Variants in SYNRG observed in about 807,000 individuals in gnomAD.
SYNRG encodes AP1 gamma subunit binding protein 1.
Under a neutral mutation model 130.9 loss-of-function variants are expected in SYNRG, and 37 were observed. That is an observed-to-expected ratio of 0.28 (90% CI 0.22 to 0.37). SYNRG has a LOEUF of 0.37. Ranked by LOEUF, SYNRG falls within the 10% of genes least tolerant of loss-of-function variation. SYNRG has a pLI of 1.00. For synonymous variants in SYNRG, 539 were observed against 568.1 expected (o/e 0.95, Z 0.73); for missense variants, 1,338 against 1,588.9 (o/e 0.84, Z 2.68).
rs973729804 is a variant in SYNRG, at chr17:37,551,129, C to T, written c.2608+1986G>A. ...AATCTACCAGGTTTTATTCTCTCTT[C>T]ATCAGCTCACTTCTTATTTCTCCAA... On this transcript the variant is annotated intron_variant, in intron 14 of 21. Transcript: ENST00000612223. Among the ~76,000 whole-genome samples, 7 of 152,332 alleles carry T rather than the reference C, an allele frequency of 4.6e-5. 1 individual carries two copies. Among genetic ancestry groups the T allele is most frequent in the Admixed American group, 2.6e-4 (4 of 15,306 alleles).
Position 37,542,290 on chromosome 17 carries a change from G to C in SYNRG, c.2884C>G (p.Pro962Ala). 6.2e-7 allele frequency: 1 copy of C among 1,614,180 alleles called. No homozygotes were observed. Among genetic ancestry groups the C allele is most frequent in the Non-Finnish European group, 8.5e-7 (1 of 1,180,052 alleles). Residue 962 changes from proline to alanine, a missense_variant, in exon 15 of 22, where the codon CCA becomes GCA. Transcript: ENST00000612223. ...SEDALPETTF[P>A]ALASFKDTIP... Reference sequence around the variant, plus strand: ...GTGTCTTTAAAACTGGCAAGAGCTGGGAAGGTGGTCTCTGGAAGAGCATCT... The same window carrying C: ...GTGTCTTTAAAACTGGCAAGAGCTGCGAAGGTGGTCTCTGGAAGAGCATCT...
chr17:37,599,664 T>A lies in SYNRG; in HGVS notation c.118+699A>T, dbSNP rs147441223. 2.1e-3 allele frequency among the ~76,000 whole-genome samples: 321 copies of A among 152,190 alleles called. 4 individuals are homozygous for A. The highest frequency in any genetic ancestry group is 7.2e-3 in the African/African-American group (299 of 41,528). On this transcript the variant is annotated intron_variant, in intron 2 of 21. Transcript: ENST00000612223. ...TGAGCCTAGGTGGCTGAGGCTACAG[T>A]AAGCTATGACTGTGCCACTTATACT...
intron 19 of SYNRG, among the ~76,000 whole-genome samples, chr17:37,522,206 G>A (rs974344996): frequency 1.4e-4 from 16 of 115,248 alleles, no homozygotes; most frequent in African/African-American, 4.6e-4. Flanking sequence ...CAGTCACTCT[G>A]TTGCTCAGGC....
rs536282468 is a variant in SYNRG, at chr17:37,563,058, T to A, written c.1482-1469A>T. 1.3e-4 allele frequency among the ~76,000 whole-genome samples: 20 copies of A among 152,276 alleles called. No homozygotes were observed. In the South Asian group the frequency reaches 3.5e-3, roughly 27 times the overall value. The stretch of plus-strand genomic sequence containing the variant: ...TGCTTGCTGATTAAAGTCAACAAAA[T>A]TCCATTCAAAAAAAGTTATGACTCA... On this transcript the variant is annotated intron_variant, in intron 11 of 21. Transcript: ENST00000612223.
Position 37,538,321 on chromosome 17 carries a change from T to C in SYNRG, c.3517+3A>G. 2 of 1,587,940 alleles carry C rather than the reference T, an allele frequency of 1.3e-6. No individual in the cohort carries two copies. Among genetic ancestry groups the C allele is most frequent in the Non-Finnish European group, 1.7e-6 (2 of 1,168,028 alleles). ...TTCAATAGTAAAATATGAAAGAACA[T>C]ACCTAATAAATATTCCATGCCTTGA... On this transcript the variant is annotated splice_donor_region_variant and intron_variant, in intron 18 of 21. Transcript: ENST00000612223.
chr17:37,595,437 C>G (rs1321695896), intron 3 of SYNRG, among the ~76,000 whole-genome samples: 2 of 152,062 alleles, frequency 1.3e-5, no homozygotes, highest in African/African-American at 4.8e-5. Flanking sequence ...CAAGTGGGAG[C>G]TAAACACTGG....
chr17:37,561,573 T>A lies in SYNRG; in HGVS notation c.1498A>T (p.Met500Leu). ...AATGCTTTAGTTCCAGGAAGTGGCA[T>A]CAACAAAGAAGGGGCACTGAAGGAA... is the stretch of plus-strand genomic sequence containing the variant. ...QHGNSAPSLL[M>L]PLPGTKALPS... Residue 500 changes from methionine to leucine, a missense_variant, in exon 12 of 22, where the codon ATG (methionine) becomes TTG (leucine). Met to Leu is a conservative substitution (Grantham distance 15). This residue lies in a region of SYNRG where 1,146 missense variants were observed against 1,342.3 expected (regional missense o/e 0.85). Coordinates refer to ENST00000612223, the MANE Select transcript of SYNRG (RefSeq NM_007247.6). 6.2e-7 allele frequency: 1 copy of A among 1,612,592 alleles called. No individual in the cohort carries two copies. Among genetic ancestry groups the A allele is most frequent in the South Asian group, 1.1e-5 (1 of 90,944 alleles).
chr17:37,545,705 T>C (rs2058220129), intron 14 of SYNRG, among the ~76,000 whole-genome samples: 1 of 152,100 alleles, frequency 6.6e-6, no homozygotes, highest in Admixed American at 6.6e-5. Context: ...AAAGACTAAA[T>C]GAAAGACTAG....
chr17:37,522,157 A>ACACACACACACACACACACACAC (rs1568245884), intron 19 of SYNRG, among the ~76,000 whole-genome samples: 11 of 151,164 alleles, frequency 7.3e-5, no homozygotes, highest in South Asian at 2.1e-4. Flanking sequence ...ACACACACAC[A>ACACACACACACACACACACACAC]ATGGTTAAAA....
chr17:37,550,239 G>A (rs2058608078), intron 14 of SYNRG, among the ~76,000 whole-genome samples: 2 of 152,114 alleles, frequency 1.3e-5, no homozygotes, highest in Non-Finnish European at 2.9e-5. Context: ...TCCCTATCAT[G>A]TAAAGTAGTG....
chr17:37,541,373 A>G (rs2057743300), intron 15 of SYNRG: 1 of 525,610 alleles, frequency 1.9e-6, no homozygotes, highest in African/African-American at 2.1e-5. Context: ...GGATTATGGT[A>G]GGAGAGAGAG....
At chr17:37,525,961 G>A (rs560470290) in intron 19 of SYNRG, among the ~76,000 whole-genome samples, 8 of 151,536 alleles carry the variant, frequency 5.3e-5, no homozygotes, top group South Asian at 2.1e-4. Context: ...GCGAGACTCC[G>A]TCTCAAAAAC....
chr17:37,596,674 C>T (rs548003448), intron 2 of SYNRG, among the ~76,000 whole-genome samples: 1 of 152,288 alleles, frequency 6.6e-6, no homozygotes, highest in South Asian at 2.1e-4. Flanking sequence ...TATTCATACC[C>T]GTGTGTTGTT....
rs553349964 is a variant in SYNRG at position 37,550,254 on chromosome 17, G to A, written c.2608+2861C>T. Among the ~76,000 whole-genome samples the A allele has an allele frequency of 2.0e-5, 3 of 152,206 alleles. No homozygotes were observed. In the South Asian group the frequency reaches 6.2e-4, roughly 32 times the overall value. ...TCCCTATCATGTAAAGTAGTGTAAG[G>A]TTTATTCTTATTTAAGTTTAATTTT... On this transcript the variant is annotated intron_variant, in intron 14 of 21. Coordinates refer to ENST00000612223, the MANE Select transcript of SYNRG (RefSeq NM_007247.6).
Position 37,515,893 on chromosome 17 carries a change from C to G in SYNRG, c.*3047G>C, listed in dbSNP as rs941699984. ...AGAAGACACCTTTAAACAAATAAGA[C>G]CCCCCCAAAACCCTTCAAATATGTA... On this transcript the variant is annotated 3_prime_UTR_variant, in exon 22 of 22. Coordinates refer to ENST00000612223, the MANE Select transcript of SYNRG (RefSeq NM_007247.6). 1.3e-5 allele frequency: 2 copies of G among 151,972 alleles called. No homozygotes were observed. Among genetic ancestry groups the G allele is most frequent in the African/African-American group, 4.8e-5 (2 of 41,378 alleles). 9.4% of individuals were successfully genotyped at this position (151,972 alleles called of 1,614,324 possible).
At chr17:37,567,521 G>A (rs561799307) in intron 11 of SYNRG, 2 of 152,298 alleles carry the variant, frequency 1.3e-5, no homozygotes, top group Admixed American at 6.5e-5. Flanking sequence ...TACAATTTAT[G>A]CGTCTAGAAG....
intron 6 of SYNRG, chr17:37,584,279 A>G (rs73293825): frequency 0.17 from 28,871 of 166,340 alleles, 2,614 homozygotes; most frequent in Middle Eastern, 0.28. Context: ...TTAAGTAATG[A>G]AATCAGAGCT....
rs1211173293 is a variant in SYNRG, at chr17:37,561,569, G to A, written c.1502C>T (p.Pro501Leu). ...HGNSAPSLLM[P>L]LPGTKALPSM... ...AGGCAATGCTTTAGTTCCAGGAAGT[G>A]GCATCAACAAAGAAGGGGCACTGAA... is the stretch of plus-strand genomic sequence containing the variant. The change falls in exon 12 of 22, where the codon CCA becomes CTA. Residue 501 changes from proline (P) to leucine (L), a missense_variant. Around this residue, in one of 3 missense-constraint regions of SYNRG, gnomAD observed 1,146 missense variants for 1,342.3 expected, o/e 0.85. Coordinates refer to ENST00000612223, the MANE Select transcript of SYNRG (RefSeq NM_007247.6). 1.2e-6 allele frequency: 2 copies of A among 1,611,682 alleles called. No individual in the cohort carries two copies. The highest frequency in any genetic ancestry group is 1.1e-5 in the South Asian group (1 of 90,814).
chr17:37,574,328 C>T (rs1417770737), intron 8 of SYNRG, among the ~76,000 whole-genome samples: 1 of 152,152 alleles, frequency 6.6e-6, no homozygotes. Context: ...GGGAAACTCT[C>T]CAGGACATTC....
Sources: gnomAD v4.1 joint callset for allele counts (sites outside exome capture counted in the v4.1 genomes callset) on GRCh38, gnomAD v4.1.1 for gene constraint, gnomAD v4.1.1 regional missense constraint, MANE v1.5 for transcripts, NCBI Gene and HGNC (gene_info 2026-07-23, HGNC 2026-07-21) for gene names.